CLUH: variants seen among roughly 807,000 people sequenced by gnomAD.
CLUH encodes CLUH binding protein of NUMT mRNA.
Under a neutral mutation model 139.3 loss-of-function variants are expected in CLUH, and 77 were observed. The observed-to-expected ratio is 0.55, with a 90% CI of 0.46 to 0.67. CLUH has a LOEUF of 0.67. Ranked by LOEUF, CLUH falls within the 30% of genes least tolerant of loss-of-function variation. The pLI, the probability that CLUH is intolerant of heterozygous loss-of-function variation, is 0.00. For missense variants in CLUH, 1,876 were observed against 1,875.8 expected, an observed-to-expected ratio of 1.00 and a Z score of 0.00; for synonymous variants, 999 against 801.6, an observed-to-expected ratio of 1.25 and a Z score of -4.16.
chr17:2,708,311 G>A (rs925354115), intron 1 of CLUH, among the ~76,000 whole-genome samples: 1 of 152,160 alleles, frequency 6.6e-6, no homozygotes, highest in African/African-American at 2.4e-5. Flanking sequence ...CCTAGACAGA[G>A]CCCCTCTGCT....
chr17:2,698,183 C>T lies in CLUH; in HGVS notation c.1674G>A (p.Leu558=). 6.3e-7 allele frequency: 1 copy of T among 1,575,830 alleles called. No individual in the cohort carries two copies. The highest frequency in any genetic ancestry group is 1.2e-5 in the South Asian group (1 of 86,280). The change falls in exon 10 of 26, where the codon CTG becomes CTA. Residue 558 remains leucine, a synonymous_variant. Transcript: ENST00000651024. ...TVVSHPRYLE[L]LERTSRPLKI... ...TGAGGGGCCGACTCGTGCGCTCCAG[C>T]AGCTCCAGGTACCGCGGGTGTGACA...
Position 2,707,616 on chromosome 17 carries a change from G to A in CLUH, c.101-3052C>T. On this transcript the variant is annotated intron_variant, in intron 1 of 25. Transcript: ENST00000651024. The surrounding 1 kb of genome is among the most constrained non-coding windows in gnomAD (Gnocchi z 7.4). The stretch of plus-strand genomic sequence containing the variant: ...ACCCCTCAAGATTGAGGGCCTAGGA[G>A]ACTGGCTGGCAGGGGCAGGGCCCAG... The A allele has an allele frequency of 1.0e-6, 1 of 985,396 alleles. No individual in the cohort carries two copies. The highest frequency in any genetic ancestry group is 1.2e-6 in the Non-Finnish European group (1 of 829,896). 61.0% of individuals were successfully genotyped at this position (985,396 alleles called of 1,614,324 possible).
intron 25 of CLUH, among the ~76,000 whole-genome samples, chr17:2,691,163 A>G (rs1022284910): frequency 1.3e-5 from 2 of 151,778 alleles, no homozygotes; most frequent in African/African-American, 4.8e-5. Flanking sequence ...AAGCGTGGGG[A>G]GGGAATGAAG....
intron 1 of CLUH, among the ~76,000 whole-genome samples, chr17:2,709,929 C>T (rs1382196397): frequency 6.6e-6 from 1 of 152,156 alleles, no homozygotes; most frequent in Non-Finnish European, 1.5e-5. Flanking sequence ...ATAGCTGTGC[C>T]CTTCCCTGAC....
At position 2,694,629 on chromosome 17, in the gene CLUH, C is replaced by T. The variant is rs946933096; in HGVS notation, c.2853-65G>A. The T allele has an allele frequency of 4.8e-6, 7 of 1,458,056 alleles. No individual in the cohort carries two copies. The African/African-American group carries it at 9.8e-5, about 21-fold the overall frequency. 90.3% of individuals were successfully genotyped at this position (1,458,056 alleles called of 1,614,324 possible). A position where few individuals can be genotyped will look rare whatever the true frequency, so the allele number is the denominator to read the frequency against. ...CCGGGCCCCCCCAACACCGCCCCAC[C>T]CAGCTCCCCAACGCTGTCCAGCCCG... On this transcript the variant is annotated intron_variant, in intron 16 of 25. Transcript: ENST00000651024.
chr17:2,696,048 C>G, intron 13 of CLUH, 111 bp downstream of exon 13: 1 of 877,554 alleles, frequency 1.1e-6, no homozygotes. Flanking sequence ...TCAGGGAAAG[C>G]TGAAAAAGTC....
At chr17:2,693,138 T>TTA (rs2069779092) in intron 19 of CLUH, among the ~76,000 whole-genome samples, 2 of 922 alleles carry the variant, frequency 2.2e-3, no homozygotes, top group Non-Finnish European at 7.5e-3. Context: ...ACTAAAAATG[T>TTA]TACAAAAAAA....
At position 2,692,690 on chromosome 17, in the gene CLUH, G is replaced by A. The variant is rs778261451; in HGVS notation, c.3319C>T (p.Leu1107=). Residue 1107 remains leucine (L), a synonymous_variant, in exon 21 of 26, where the codon CTG becomes TTG. Transcript: ENST00000651024. Reference sequence around the variant, plus strand: ...CTGCTGGCGAAGCAGTACAGGGCCAGGTGCATCTGCGGGCGGGGCGGAGAC... The same window carrying A: ...CTGCTGGCGAAGCAGTACAGGGCCAAGTGCATCTGCGGGCGGGGCGGAGAC... ...HPNTIQEYMH[L]ALYCFASSQL... The A allele has an allele frequency of 4.5e-5, 72 of 1,610,492 alleles. No individual in the cohort carries two copies. Among genetic ancestry groups the A allele is most frequent in the Non-Finnish European group, 6.0e-5 (71 of 1,178,236 alleles).
Position 2,698,047 on chromosome 17 carries a change from G to C in CLUH, c.1810C>G (p.Leu604Val). ...GNDGRHYILD[L>V]LRTFPPDLNF... ...AGGTCCGGGGGGAAGGTGCGCAGCA[G>C]GTCGAGGATGTAGTGGCGCCCGTCG... is the stretch of plus-strand genomic sequence containing the variant. The change falls in exon 10 of 26, where the codon CTG (leucine) becomes GTG (valine). Residue 604 changes from leucine (L) to valine (V), a missense_variant. Physicochemically the swap from Leu to Val is conservative, Grantham distance 32 (BLOSUM62 1). Around this residue, in one of 3 missense-constraint regions of CLUH, gnomAD observed 1,454 missense variants for 1,384.4 expected, o/e 1.05. Coordinates refer to ENST00000651024, the MANE Select transcript of CLUH (RefSeq NM_001366661.1). 1 of 1,606,388 alleles carries C rather than the reference G, an allele frequency of 6.2e-7. No homozygotes were observed. The highest frequency in any genetic ancestry group is 1.1e-5 in the South Asian group (1 of 90,510).
rs1785679233 is a variant in CLUH at position 2,707,189 on chromosome 17, C to A, written c.101-2625G>T. On this transcript the variant is annotated intron_variant, in intron 1 of 25. Transcript: ENST00000651024. The surrounding 1 kb of genome is among the most constrained non-coding windows in gnomAD (Gnocchi z 7.4). ...GGTGCTCACCTGGTGCAGTTGGCAG[C>A]TGCCCTCCCCTCGGCTCTGGAGTCT... 1 of 985,454 alleles carries A rather than the reference C, an allele frequency of 1.0e-6. No homozygotes were observed. 61.0% of individuals were successfully genotyped at this position (985,454 alleles called of 1,614,324 possible).
At chr17:2,695,624 A>G in intron 13 of CLUH, 98 bp from the exon 14 acceptor site, 1 of 1,386,986 alleles carries the variant, frequency 7.2e-7, no homozygotes, top group South Asian at 1.5e-5. Flanking sequence ...GGCCCTGGAG[A>G]AGGACCCCGA....
Position 2,701,412 on chromosome 17 carries a change from G to C in CLUH, c.853C>G (p.Arg285Gly). ...GTGGACGCGGTGATGCTGACTTGCC[G>C]GTCCTCGGCTGTGATCACAAACAGG... ...MYLFVITAEDRQVSITASTRG... is the reference protein window; with the variant it reads ...MYLFVITAEDGQVSITASTRG... Residue 285 changes from arginine to glycine, a missense_variant, in exon 6 of 26, where the codon CGG becomes GGG. Physicochemically the swap from Arg to Gly is moderately radical, Grantham distance 125. Transcript: ENST00000651024. The C allele has an allele frequency of 6.2e-7, 1 of 1,611,388 alleles. No individual in the cohort carries two copies. Among genetic ancestry groups the C allele is most frequent in the Non-Finnish European group, 8.5e-7 (1 of 1,178,946 alleles).
intron 23 of CLUH, 42 bp downstream of exon 23, chr17:2,691,959 ACGC>A: frequency 7.9e-6 from 3 of 380,134 alleles, no homozygotes; most frequent in Admixed American, 2.1e-4. Flanking sequence ...CCGCCCCGCC[ACGC>A]CCCCGCCCCG....
At position 2,692,607 on chromosome 17, in the gene CLUH, C is replaced by A. The variant is rs1348652171; in HGVS notation, c.3402G>T (p.Val1134=). 11 of 1,612,880 alleles carry A rather than the reference C, an allele frequency of 6.8e-6. No individual in the cohort carries two copies. The highest frequency in any genetic ancestry group is 8.5e-6 in the Non-Finnish European group (10 of 1,179,614). ...LYRARYLMLL[V]FGEDHPEMAL... is the part of the protein sequence containing the mutation. ...CCATCTCGGGGTGGTCTTCCCCGAA[C>A]ACCAGCAGCATGAGGTAGCGGGCGC... Residue 1134 remains valine (V), a synonymous_variant, in exon 21 of 26, where the codon GTG becomes GTT. Transcript: ENST00000651024.
chr17:2,690,344 A>C lies in CLUH; in HGVS notation c.*250T>G. ...AGCAACACCTGCCCCCCAGCCGGGAACTGATGGCCGCACACGCCATTCACG... is the reference window on the plus strand; with the variant it reads ...AGCAACACCTGCCCCCCAGCCGGGACCTGATGGCCGCACACGCCATTCACG... On this transcript the variant is annotated 3_prime_UTR_variant, in exon 26 of 26. Coordinates refer to ENST00000651024, the MANE Select transcript of CLUH (RefSeq NM_001366661.1). 3 of 406,342 alleles carry C rather than the reference A, an allele frequency of 7.4e-6. No individual in the cohort carries two copies. Among genetic ancestry groups the C allele is most frequent in the Non-Finnish European group, 4.3e-6 (1 of 230,316 alleles). 25.2% of individuals were successfully genotyped at this position (406,342 alleles called of 1,614,324 possible). A position where few individuals can be genotyped will look rare whatever the true frequency, so the allele number is the denominator to read the frequency against.
At chr17:2,693,042 C>T in intron 19 of CLUH, 182 bp from the exon 20 acceptor site, 1 of 489,628 alleles carries the variant, frequency 2.0e-6, no homozygotes, top group Non-Finnish European at 3.5e-6. Flanking sequence ...CCTTGAAGGG[C>T]AGGTCACGCT....
chr17:2,691,115 G>A (rs528462428), intron 25 of CLUH, among the ~76,000 whole-genome samples: 5 of 78,830 alleles, frequency 6.3e-5, no homozygotes, highest in South Asian at 5.6e-4. Context: ...CGGGGAGCCC[G>A]GGGCCTGCTC....
Position 2,692,347 on chromosome 17 carries a change from G to A in CLUH, c.3560+14C>T, listed in dbSNP as rs769550827. 3 of 1,546,068 alleles carry A rather than the reference G, an allele frequency of 1.9e-6. No individual in the cohort carries two copies. The highest frequency in any genetic ancestry group is 4.7e-5 in the East Asian group (2 of 42,768). On this transcript the variant is annotated intron_variant, in intron 22 of 25. Transcript: ENST00000651024. Reference sequence around the variant, plus strand: ...CCTCCGCCGGCCTTGGCGTTTGGACGGGCGGCCCCTCACCTGAGGGCCACC... The same window carrying A: ...CCTCCGCCGGCCTTGGCGTTTGGACAGGCGGCCCCTCACCTGAGGGCCACC...
rs1037853171 is a variant in CLUH, at chr17:2,691,903, G to A, written c.3655-8C>T. The A allele has an allele frequency of 5.9e-6, 9 of 1,523,218 alleles. No homozygotes were observed. The African/African-American group carries it at 8.4e-5, about 14-fold the overall frequency. The allele number at this position is 1,523,218 out of a possible 1,614,324, so 94.4% of individuals were successfully genotyped here. A position where few individuals can be genotyped will look rare whatever the true frequency, so the allele number is the denominator to read the frequency against. ...CTCATGGTCCTCGCCCAGCTGCGGG[G>A]AGGCGGGAAGGGATCAGGCCCCCCC... On this transcript the variant is annotated splice_polypyrimidine_tract_variant and splice_region_variant and intron_variant, in intron 23 of 25. Transcript: ENST00000651024.
Sources: allele counts gnomAD v4.1 joint callset (sites outside exome capture counted in the v4.1 genomes callset), GRCh38; gene constraint gnomAD v4.1.1; regional missense constraint gnomAD v4.1.1; non-coding constraint Gnocchi (gnomAD v3.1); transcripts MANE v1.5; gene names NCBI Gene and HGNC (gene_info 2026-07-23, HGNC 2026-07-21).